The following GRIK4 variants were observed in gnomAD, a reference collection of about 807,000 sequenced individuals.
The protein encoded by GRIK4 is glutamate receptor ionotropic, kainate 4.
In GRIK4, 40 loss-of-function variants were observed where a neutral mutation model predicts 104.9. That is an observed-to-expected ratio of 0.38 (90% confidence interval 0.30 to 0.50). The LOEUF (loss-of-function observed/expected upper bound fraction) is 0.50. GRIK4 is among the 20% of genes least tolerant of loss of function. The pLI is 0.93. For missense variants in GRIK4, 1,047 were observed against 1,308.1 expected (o/e 0.80, Z 3.08); for synonymous variants, 485 against 524.9 (o/e 0.92, Z 1.04).
chr11:120,683,184 T>C (rs947453953), intron 3 of GRIK4, among the ~76,000 whole-genome samples: 1 of 152,138 alleles, frequency 6.6e-6, no homozygotes, highest in Non-Finnish European at 1.5e-5. Flanking sequence ...GCTAAAAAAA[T>C]GGCTTTAGGT....
At position 120,819,700 on chromosome 11, in the gene GRIK4, T is replaced by G. The variant is rs886552962; in HGVS notation, c.346-55T>G. ...ACCTCAGCTCACTCATCCCTCTTTC[T>G]TCCTTTTCACCCACCTGGATCCTCC... On this transcript the variant is annotated intron_variant, in intron 5 of 20. Transcript: ENST00000527524. This position sits in a 1 kb window ranked among gnomAD's most constrained non-coding sequence, Gnocchi z 4.3. The G allele has an allele frequency of 3.3e-5, 52 of 1,560,558 alleles. 1 individual carries two copies. The African/African-American group carries it at 5.8e-4, about 17-fold the overall frequency.
chr11:120,788,827 C>G (rs1168104803), intron 3 of GRIK4, among the ~76,000 whole-genome samples: 1 of 151,804 alleles, frequency 6.6e-6, no homozygotes, highest in Non-Finnish European at 1.5e-5. Context: ...CTTCCCAGAC[C>G]GGCTGCTTGG....
At position 120,956,876 on chromosome 11, in the gene GRIK4, T is replaced by C; in HGVS notation, c.1797T>C (p.Phe599=). 2 of 1,614,028 alleles carry C rather than the reference T, an allele frequency of 1.2e-6. No individual in the cohort carries two copies. The highest frequency in any genetic ancestry group is 1.7e-6 in the Non-Finnish European group (2 of 1,179,976). Residue 599 remains phenylalanine (F), a synonymous_variant, in exon 16 of 21, where the codon TTT becomes TTC. Transcript: ENST00000527524. The surrounding 1 kb of genome is among the most constrained non-coding windows in gnomAD (Gnocchi z 4.6). The part of the protein sequence containing the change: ...NQYSLGNSLW[F]PVGGFMQQGS... ...ACTCCCTGGGCAACAGCCTCTGGTTTCCGGTCGGGGGGTTCATGCAGCAAG... is the reference window on the plus strand; with the variant it reads ...ACTCCCTGGGCAACAGCCTCTGGTTCCCGGTCGGGGGGTTCATGCAGCAAG...
intron 1 of GRIK4, among the ~76,000 whole-genome samples, chr11:120,614,176 AC>A (rs1315511246): frequency 6.6e-6 from 1 of 152,040 alleles, no homozygotes; most frequent in African/African-American, 2.4e-5. Flanking sequence ...CCAGAAACAG[AC>A]CCCAAGTGAA....
intron 1 of GRIK4, among the ~76,000 whole-genome samples, chr11:120,541,011 C>A (rs1948028602): frequency 6.6e-6 from 1 of 152,220 alleles, no homozygotes; most frequent in Non-Finnish European, 1.5e-5. Context: ...CTACACGTGG[C>A]CCTCTCCAAC....
chr11:120,668,852 C>T lies in GRIK4; in HGVS notation c.82+8452C>T, dbSNP rs974633592. ...AGTGTCTCCATTTCTTCATCTATAA[C>T]ATGGGCTAATAGTAGTCCCTGTTTT... is the stretch of plus-strand genomic sequence containing the variant. On this transcript the variant is annotated intron_variant, in intron 3 of 20. Coordinates refer to ENST00000527524, the MANE Select transcript of GRIK4 (RefSeq NM_014619.5). 4.6e-5 allele frequency among the ~76,000 whole-genome samples: 7 copies of T among 152,226 alleles called. 1 individual carries two copies. The highest frequency in any genetic ancestry group is 6.3e-3 in the Middle Eastern group (2 of 316).
chr11:120,859,738 G>A (rs1364391514), intron 8 of GRIK4, among the ~76,000 whole-genome samples: 1 of 152,232 alleles, frequency 6.6e-6, no homozygotes, highest in African/African-American at 2.4e-5. Context: ...ATGGGCAGCT[G>A]CCCTGTTAGA....
intron 4 of GRIK4, 58 bp downstream of exon 4, chr11:120,802,915 G>A: frequency 2.1e-6 from 3 of 1,438,276 alleles, no homozygotes; most frequent in Non-Finnish European, 2.9e-6. Context: ...GATGAGCAGT[G>A]GTGTGAGCTG....
intron 3 of GRIK4, among the ~76,000 whole-genome samples, chr11:120,691,242 G>A (rs534584237): frequency 5.3e-5 from 8 of 152,242 alleles, no homozygotes; most frequent in South Asian, 2.1e-4. Flanking sequence ...CACTGTGGCC[G>A]ACTCCTCAGG....
intron 3 of GRIK4, among the ~76,000 whole-genome samples, chr11:120,694,886 G>C (rs1412160990): frequency 2.0e-5 from 3 of 152,190 alleles, no homozygotes; most frequent in Non-Finnish European, 4.4e-5. Context: ...AAACACTGCA[G>C]CCCGTAACAC....
intron 3 of GRIK4, among the ~76,000 whole-genome samples, chr11:120,764,546 C>T (rs1377603424): frequency 6.6e-6 from 1 of 150,968 alleles, no homozygotes; most frequent in African/African-American, 2.4e-5. Context: ...TGTTGATGGG[C>T]TTTACATTTT....
At chr11:120,946,952 C>G (rs1943874639) in intron 14 of GRIK4, among the ~76,000 whole-genome samples, 1 of 152,196 alleles carries the variant, frequency 6.6e-6, no homozygotes, top group Non-Finnish European at 1.5e-5. Context: ...CCGAGACTCC[C>G]TGGAAAATGT....
At position 120,772,933 on chromosome 11, in the gene GRIK4, A is replaced by G. The variant is rs528135409; in HGVS notation, c.83-29760A>G. 2.2e-3 allele frequency among the ~76,000 whole-genome samples: 332 copies of G among 152,278 alleles called. 3 individuals are homozygous for G. Among genetic ancestry groups the G allele is most frequent in the Admixed American group, 0.021 (314 of 15,298 alleles). On this transcript the variant is annotated intron_variant, in intron 3 of 20. Transcript: ENST00000527524. The stretch of plus-strand genomic sequence containing the variant: ...AATCCTGTGATTGGCCAATATTACT[A>G]TGCTAGGCAATGAGGATATAAAGTT...
At chr11:120,623,968 T>TTCCCTCTTCCTCCTCCCTC (rs371269764) in intron 1 of GRIK4, among the ~76,000 whole-genome samples, 2,281 of 139,084 alleles carry the variant, frequency 0.016, 68 homozygotes, top group African/African-American at 0.058. Context: ...TTCCTCCCCC[T>TTCCCTCTTCCTCCTCCCTC]TCCCTCTTCC....
chr11:120,961,047 C>T lies in GRIK4; in HGVS notation c.2013C>T (p.His671=), dbSNP rs146559308. The T allele has an allele frequency of 1.9e-5, 30 of 1,614,072 alleles. No homozygotes were observed. The African/African-American group carries it at 2.1e-4, about 11-fold the overall frequency. ...CCGCCATTGAATATGGCACAATTCA[C>T]GGAGGCTCCAGCATGACCTTCTTCC... is the stretch of plus-strand genomic sequence containing the variant. The part of the protein sequence containing the change: ...DQTAIEYGTI[H]GGSSMTFFQN... The change falls in exon 17 of 21, where the codon CAC becomes CAT. Residue 671 remains histidine, a synonymous_variant. Transcript: ENST00000527524.
intron 1 of GRIK4, among the ~76,000 whole-genome samples, chr11:120,560,209 C>T (rs181495132): frequency 1.5e-3 from 226 of 152,094 alleles, no homozygotes; most frequent in Admixed American, 2.9e-3. Context: ...CCACCACGCC[C>T]GGCTAATTTT....
At chr11:120,744,353 A>T (rs1951399250) in intron 3 of GRIK4, among the ~76,000 whole-genome samples, 1 of 152,062 alleles carries the variant, frequency 6.6e-6, no homozygotes. Context: ...CCACAACCCC[A>T]CTGTCCCTGG....
chr11:120,843,267 C>T (rs1405123706), intron 8 of GRIK4, among the ~76,000 whole-genome samples: 6 of 152,268 alleles, frequency 3.9e-5, no homozygotes, highest in South Asian at 4.1e-4. Flanking sequence ...CTGCTCTCGG[C>T]ACCGCCGCTG....
At chr11:120,608,219 C>T (rs1415617799) in intron 1 of GRIK4, among the ~76,000 whole-genome samples, 1 of 152,176 alleles carries the variant, frequency 6.6e-6, no homozygotes, top group Non-Finnish European at 1.5e-5. Context: ...CTGCAGGCTT[C>T]CAGCCAGCTG....
Sources: allele counts gnomAD v4.1 joint callset (sites outside exome capture counted in the v4.1 genomes callset), GRCh38; gene constraint gnomAD v4.1.1; non-coding constraint Gnocchi (gnomAD v3.1); transcripts MANE v1.5; gene names NCBI Gene and HGNC (gene_info 2026-07-23, HGNC 2026-07-21).